ROBO2: variants seen among roughly 807,000 people sequenced by gnomAD.
The protein encoded by ROBO2 is roundabout homolog 2.
Under a neutral mutation model 160.8 loss-of-function variants are expected in ROBO2, and 53 were observed. The ratio of observed to expected loss-of-function variants is 0.33; its 90% CI spans 0.26 to 0.41. The LOEUF is 0.41. Among genes scored for constraint, ROBO2 ranks in the 10% least tolerant of loss-of-function variants. ROBO2 has a pLI of 1.00. For synonymous variants in ROBO2, 664 were observed against 611.7 expected (o/e 1.09, Z -1.26); for missense variants, 1,577 against 1,722.4 (o/e 0.92, Z 1.49).
intron 2 of ROBO2, among the ~76,000 whole-genome samples, chr3:76,272,808 T>TATAAAATAA (rs1707561016): frequency 1.6e-5 from 1 of 63,860 alleles, no homozygotes; most frequent in South Asian, 5.7e-4. Flanking sequence ...ATATAAAATA[T>TATAAAATAA]ATAATATGTA....
chr3:76,746,101 G>A (rs558986461), intron 2 of ROBO2, among the ~76,000 whole-genome samples: 163 of 150,516 alleles, frequency 1.1e-3, no homozygotes, highest in African/African-American at 3.6e-3. Flanking sequence ...TTTTGTTCTT[G>A]CGATAGTTTA....
At chr3:77,080,760 G>C (rs2068569961) in intron 1 of ROBO2, among the ~76,000 whole-genome samples, 1 of 152,020 alleles carries the variant, frequency 6.6e-6, no homozygotes, top group African/African-American at 2.4e-5. Context: ...AACTGCCTGT[G>C]GTATGAATGC....
intron 2 of ROBO2, among the ~76,000 whole-genome samples, chr3:76,603,150 T>A (rs989215372): frequency 6.6e-6 from 1 of 150,788 alleles, no homozygotes; most frequent in African/African-American, 2.4e-5. Flanking sequence ...GCTAACATGG[T>A]GAAACCCCGT....
chr3:76,944,100 C>T (rs2078363147), intron 2 of ROBO2, among the ~76,000 whole-genome samples: 1 of 152,004 alleles, frequency 6.6e-6, no homozygotes. Context: ...AACAATTTAA[C>T]TGTTAAAGAC....
At chr3:76,532,522 A>G (rs1022166573) in intron 2 of ROBO2, among the ~76,000 whole-genome samples, 2 of 152,198 alleles carry the variant, frequency 1.3e-5, no homozygotes, top group African/African-American at 4.8e-5. Context: ...ACTTTTCAAG[A>G]ATGATACAGA....
At chr3:77,365,964 A>G (rs906065747) in intron 2 of ROBO2, among the ~76,000 whole-genome samples, 8 of 152,188 alleles carry the variant, frequency 5.3e-5, no homozygotes, top group Non-Finnish European at 1.0e-4. Context: ...TTGATTGCAG[A>G]AAAATGTTTT....
At chr3:76,791,398 G>A (rs1399934047) in intron 2 of ROBO2, among the ~76,000 whole-genome samples, 1 of 151,716 alleles carries the variant, frequency 6.6e-6, no homozygotes, top group Non-Finnish European at 1.5e-5. Context: ...TGTGGCAGAA[G>A]AGATGGGTTA....
chr3:75,967,932 G>A (rs934075422), intron 2 of ROBO2, among the ~76,000 whole-genome samples: 1 of 151,384 alleles, frequency 6.6e-6, no homozygotes, highest in Non-Finnish European at 1.5e-5. Context: ...AGTTTTCCTG[G>A]CATACAGCAA....
intron 2 of ROBO2, among the ~76,000 whole-genome samples, chr3:76,148,309 A>G (rs913667274): frequency 5.9e-5 from 9 of 151,964 alleles, no homozygotes; most frequent in African/African-American, 1.9e-4. Flanking sequence ...GCTCCCCTAG[A>G]TATACACCAT....
intron 2 of ROBO2, among the ~76,000 whole-genome samples, chr3:76,859,843 C>G (rs1399868051): frequency 6.6e-6 from 1 of 152,128 alleles, no homozygotes; most frequent in Non-Finnish European, 1.5e-5. Flanking sequence ...TTGATGCTGT[C>G]TTGCTGTTTA....
At chr3:77,617,838 A>G in intron 22 of ROBO2, 65 bp downstream of exon 23, 1 of 1,548,008 alleles carries the variant, frequency 6.5e-7, no homozygotes, top group Non-Finnish European at 8.8e-7. Context: ...TTCAGAATAA[A>G]TTCACAAGAG....
intron 2 of ROBO2, among the ~76,000 whole-genome samples, chr3:76,489,268 T>C (rs1037911063): frequency 6.6e-6 from 1 of 151,852 alleles, no homozygotes; most frequent in African/African-American, 2.4e-5. Flanking sequence ...ACTTATACTC[T>C]GTTCATTGCT....
rs149053879 is a variant in ROBO2, at chr3:77,590,135, G to C, written c.2683+1202G>C. Among the ~76,000 whole-genome samples the C allele has an allele frequency of 5.3e-5, 8 of 152,196 alleles. No homozygotes were observed. The East Asian group carries it at 1.4e-3, about 26-fold the overall frequency. ...TTTATGATCATTTGATTATAGCATT[G>C]TAGCTTGTGTCTATATCTTATGAAG... On this transcript the variant is annotated intron_variant, in intron 17 of 25. Coordinates refer to ENST00000461745, the Ensembl canonical transcript of ROBO2.
At chr3:76,832,865 G>A (rs1020060765) in intron 2 of ROBO2, among the ~76,000 whole-genome samples, 1 of 152,074 alleles carries the variant, frequency 6.6e-6, no homozygotes, top group Admixed American at 6.6e-5. Context: ...CAGCATGTGG[G>A]CATGTTTTAG....
chr3:76,162,475 TTTTG>T (rs1013695730), intron 2 of ROBO2, among the ~76,000 whole-genome samples: 2 of 151,942 alleles, frequency 1.3e-5, no homozygotes, highest in Non-Finnish European at 2.9e-5. Context: ...CCCAGCTAAT[TTTTG>T]TTTGTTTGTT....
chr3:76,901,882 T>G (rs2075264064), intron 2 of ROBO2, among the ~76,000 whole-genome samples: 1 of 152,026 alleles, frequency 6.6e-6, no homozygotes, highest in African/African-American at 2.4e-5. Context: ...CAATCCTAAC[T>G]TTTTTCTTCC....
intron 2 of ROBO2, among the ~76,000 whole-genome samples, chr3:76,848,671 C>T (rs1189171599): frequency 1.3e-5 from 2 of 152,194 alleles, no homozygotes; most frequent in Non-Finnish European, 2.9e-5. Flanking sequence ...GTCCTGATGT[C>T]ACCTCCTTGC....
intron 2 of ROBO2, among the ~76,000 whole-genome samples, chr3:76,379,635 A>T (rs2076520401): frequency 6.6e-6 from 1 of 152,100 alleles, no homozygotes; most frequent in Admixed American, 6.6e-5. Flanking sequence ...AAAATTCTGT[A>T]CTCTTATTTC....
intron 1 of ROBO2, among the ~76,000 whole-genome samples, chr3:77,059,933 T>TGTA (rs1559924404): frequency 1.3e-5 from 2 of 151,986 alleles, no homozygotes; most frequent in African/African-American, 4.8e-5. Flanking sequence ...GAGTATATAC[T>TGTA]ACACCAGGGG....
Sources: gnomAD v4.1 joint callset for allele counts (sites outside exome capture counted in the v4.1 genomes callset) on GRCh38, gnomAD v4.1.1 for gene constraint, MANE v1.5 for transcripts, NCBI Gene and HGNC (gene_info 2026-07-23, HGNC 2026-07-21) for gene names.